Variants in GRID2 observed in about 807,000 individuals in gnomAD.
GRID2 encodes glutamate receptor ionotropic, delta-2.
GRID2 carries 33 observed loss-of-function variants against 114.8 expected under a neutral mutation model. That is an observed-to-expected ratio of 0.29 (90% confidence interval 0.22 to 0.38). The LOEUF (loss-of-function observed/expected upper bound fraction) is 0.38, where lower values mean the gene tolerates loss of function less well. GRID2 is among the 10% of genes least tolerant of loss of function. The pLI is 1.00. For missense variants in GRID2, 1,184 were observed against 1,257.7 expected (o/e 0.94, Z 0.89); for synonymous variants, 505 against 449.9 (o/e 1.12, Z -1.55).
chr4:92,910,923 A>G (rs1468795996), intron 2 of GRID2, among the ~76,000 whole-genome samples: 1 of 148,024 alleles, frequency 6.8e-6, no homozygotes, highest in Non-Finnish European at 1.5e-5. Flanking sequence ...TTTTCCATCT[A>G]TGAATTCATG....
At chr4:92,326,264 C>A (rs553941708) in intron 1 of GRID2, among the ~76,000 whole-genome samples, 36 of 151,944 alleles carry the variant, frequency 2.4e-4, no homozygotes, top group Non-Finnish European at 4.3e-4. Context: ...CAAATCAGAA[C>A]AATGAGCATA....
At chr4:92,909,476 G>A (rs1578441737) in intron 2 of GRID2, among the ~76,000 whole-genome samples, 1 of 151,710 alleles carries the variant, frequency 6.6e-6, no homozygotes, top group African/African-American at 2.4e-5. Flanking sequence ...TTTTTACATA[G>A]TAGCAAAACC....
intron 13 of GRID2, among the ~76,000 whole-genome samples, chr4:93,618,757 C>T (rs947222167): frequency 6.6e-6 from 1 of 152,190 alleles, no homozygotes; most frequent in African/African-American, 2.4e-5. Context: ...CTTGTTTTCG[C>T]AGACACACCC....
chr4:92,663,876 A>G (rs1732641608), intron 2 of GRID2, among the ~76,000 whole-genome samples: 1 of 151,178 alleles, frequency 6.6e-6, no homozygotes, highest in Admixed American at 6.6e-5. Flanking sequence ...TACCTCATAT[A>G]AGTGGAATCA....
intron 2 of GRID2, among the ~76,000 whole-genome samples, chr4:92,843,831 AATC>A (rs1300944501): frequency 6.6e-6 from 1 of 152,062 alleles, no homozygotes; most frequent in Non-Finnish European, 1.5e-5. Context: ...TAGAATCTGA[AATC>A]ATATCAACAA....
At chr4:93,174,397 C>A (rs553818357) in intron 4 of GRID2, among the ~76,000 whole-genome samples, 127 of 152,072 alleles carry the variant, frequency 8.4e-4, no homozygotes, top group Non-Finnish European at 1.3e-3. Flanking sequence ...GGCTTTTTTT[C>A]ACTCAGTGGA....
At chr4:92,405,251 G>A (rs914459581) in intron 1 of GRID2, among the ~76,000 whole-genome samples, 1 of 152,122 alleles carries the variant, frequency 6.6e-6, no homozygotes. Flanking sequence ...GGACAGTTAT[G>A]AGAATTAAAC....
At chr4:92,341,056 G>A (rs569129680) in intron 1 of GRID2, among the ~76,000 whole-genome samples, 37 of 152,064 alleles carry the variant, frequency 2.4e-4, no homozygotes, top group African/African-American at 8.7e-4. Flanking sequence ...ATATACAAAA[G>A]GGCAGTATCT....
At chr4:92,329,470 T>A (rs1487129570) in intron 1 of GRID2, among the ~76,000 whole-genome samples, 2 of 152,086 alleles carry the variant, frequency 1.3e-5, no homozygotes, top group Non-Finnish European at 2.9e-5. Flanking sequence ...ACTTAGTGTC[T>A]GTCCTGTTGG....
chr4:93,207,518 C>A, intron 5 of GRID2, 61 bp downstream of exon 5: 1 of 1,031,214 alleles, frequency 9.7e-7, no homozygotes, highest in Admixed American at 2.1e-5. Context: ...ATAATTGTAG[C>A]ATTTCCAATG....
intron 1 of GRID2, among the ~76,000 whole-genome samples, chr4:92,336,594 T>A (rs1208489056): frequency 6.6e-6 from 1 of 152,208 alleles, no homozygotes; most frequent in Non-Finnish European, 1.5e-5. Context: ...CTCAGAGTAA[T>A]TTGAGTAATA....
In GRID2 at chr4:93,164,161, A is replaced by G. The variant is rs569060213; in HGVS notation, c.736-43243A>G. Among the ~76,000 whole-genome samples the G allele has an allele frequency of 6.8e-4, 101 of 148,248 alleles. 2 individuals carry two copies. The highest frequency in any genetic ancestry group is 6.3e-3 in the South Asian group (29 of 4,612). On this transcript the variant is annotated intron_variant, in intron 4 of 15. Transcript: ENST00000282020. ...GGCGAAAAACCAAGCCCGGGGGGGGAAAAAAAAGGTAATTTAGAAAAGAAA... is the reference window on the plus strand; with the variant it reads ...GGCGAAAAACCAAGCCCGGGGGGGGGAAAAAAAGGTAATTTAGAAAAGAAA...
intron 4 of GRID2, among the ~76,000 whole-genome samples, chr4:93,171,834 G>C (rs549822698): frequency 6.6e-6 from 1 of 152,062 alleles, no homozygotes. Context: ...TTGAAGTCCC[G>C]CACACTCAAG....
intron 1 of GRID2, among the ~76,000 whole-genome samples, chr4:92,343,907 G>C (rs1046224649): frequency 1.3e-5 from 2 of 152,124 alleles, no homozygotes; most frequent in Admixed American, 6.6e-5. Context: ...CTTACAAAAA[G>C]TAAGCCAAAG....
intron 2 of GRID2, among the ~76,000 whole-genome samples, chr4:93,030,856 AAAG>A (rs950382940): frequency 1.4e-5 from 2 of 145,320 alleles, no homozygotes; most frequent in Admixed American, 6.8e-5. Flanking sequence ...GGTGAGAAAA[AAAG>A]AGAGGAAAGG....
intron 1 of GRID2, among the ~76,000 whole-genome samples, chr4:93,805,156 T>G (rs1310411268): frequency 1.3e-5 from 2 of 152,226 alleles, no homozygotes; most frequent in African/African-American, 4.8e-5. Context: ...TAGTCTAAAA[T>G]TCCCTAAATG....
At chr4:92,810,310 C>T (rs1307174640) in intron 2 of GRID2, among the ~76,000 whole-genome samples, 1 of 150,984 alleles carries the variant, frequency 6.6e-6, no homozygotes. Context: ...ATTTTTTTAA[C>T]CACAGTTAGA....
chr4:93,229,506 G>A (rs1745873278), intron 7 of GRID2, among the ~76,000 whole-genome samples: 1 of 152,106 alleles, frequency 6.6e-6, no homozygotes, highest in South Asian at 2.1e-4. Context: ...AAGAAAGGGA[G>A]GGTAAGGCTT....
intron 1 of GRID2, among the ~76,000 whole-genome samples, chr4:92,504,712 T>TA (rs968030430): frequency 1.3e-5 from 2 of 151,888 alleles, no homozygotes; most frequent in Admixed American, 1.3e-4. Context: ...AAAACTCTTA[T>TA]AAAAAAACAG....
Sources: allele counts gnomAD v4.1 joint callset (sites outside exome capture counted in the v4.1 genomes callset), GRCh38; gene constraint gnomAD v4.1.1; transcripts MANE v1.5; gene names NCBI Gene and HGNC (gene_info 2026-07-23, HGNC 2026-07-21).